The following NCOA1 variants were observed in gnomAD, a reference collection of about 807,000 sequenced individuals.
NCOA1 encodes the protein nuclear receptor coactivator 1, also known as Hin-2 protein.
In NCOA1, 35 loss-of-function variants were observed where a neutral mutation model predicts 150.9. The observed-to-expected ratio is 0.23, with a 90% confidence interval of 0.18 to 0.31. The LOEUF (loss-of-function observed/expected upper bound fraction) is 0.31. Ranked by LOEUF, NCOA1 falls within the 10% of genes least tolerant of loss-of-function variation. The pLI, the probability that NCOA1 is intolerant of heterozygous loss-of-function variation, is 1.00. For synonymous variants in NCOA1, 590 were observed against 630.0 expected (o/e 0.94, Z 0.95); for missense variants, 1,491 against 1,749.3 (o/e 0.85, Z 2.63).
intron 17 of NCOA1, among the ~76,000 whole-genome samples, chr2:24,734,014 G>A (rs771631678): frequency 3.3e-5 from 5 of 151,616 alleles, no homozygotes; most frequent in African/African-American, 4.8e-5. Context: ...GTGAAGCCCC[G>A]TCTCTACTAA....
intron 1 of NCOA1, among the ~76,000 whole-genome samples, chr2:24,562,002 T>C (rs1056537570): frequency 8.5e-5 from 13 of 152,120 alleles, no homozygotes; most frequent in African/African-American, 3.1e-4. Flanking sequence ...CAAATCTCAC[T>C]CTATACATTA....
chr2:24,604,419 G>A (rs1279267863), intron 3 of NCOA1, among the ~76,000 whole-genome samples: 1 of 152,188 alleles, frequency 6.6e-6, no homozygotes, highest in Non-Finnish European at 1.5e-5. Context: ...CCAATAGAAG[G>A]CTGTTTCATC....
intron 19 of NCOA1, among the ~76,000 whole-genome samples, chr2:24,747,791 A>C: frequency 6.7e-6 from 1 of 150,274 alleles, no homozygotes; most frequent in Non-Finnish European, 1.5e-5. Flanking sequence ...CAAAAAACCC[A>C]CCCTCTAGAG....
intron 4 of NCOA1, among the ~76,000 whole-genome samples, chr2:24,656,528 ATAGT>A (rs1670959549): frequency 6.6e-6 from 1 of 152,234 alleles, no homozygotes; most frequent in African/African-American, 2.4e-5. Flanking sequence ...GTTGTTAATT[ATAGT>A]TACCTACAAT....
At chr2:24,654,527 C>A (rs1438203265) in intron 4 of NCOA1, among the ~76,000 whole-genome samples, 1 of 152,104 alleles carries the variant, frequency 6.6e-6, no homozygotes. Context: ...TACCAAATTA[C>A]TAAGATGAGA....
chr2:24,558,683 G>A (rs186271799), intron 1 of NCOA1, among the ~76,000 whole-genome samples: 1 of 152,280 alleles, frequency 6.6e-6, no homozygotes, highest in African/African-American at 2.4e-5. Context: ...GAAGCATCAG[G>A]TTTTTGTAGA....
At chr2:24,731,344 T>C (rs1411797814) in intron 17 of NCOA1, among the ~76,000 whole-genome samples, 1 of 152,162 alleles carries the variant, frequency 6.6e-6, no homozygotes, top group Non-Finnish European at 1.5e-5. Flanking sequence ...ATTCCTCATC[T>C]ATAAAAAGAG....
chr2:24,583,575 C>T (rs556428385), intron 2 of NCOA1, among the ~76,000 whole-genome samples: 1 of 152,202 alleles, frequency 6.6e-6, no homozygotes, highest in South Asian at 2.1e-4. Flanking sequence ...AACAGTATGT[C>T]GAAGAGATAT....
intron 3 of NCOA1, among the ~76,000 whole-genome samples, chr2:24,640,368 CTT>C (rs1249162511): frequency 1.3e-5 from 2 of 152,104 alleles, no homozygotes; most frequent in Non-Finnish European, 2.9e-5. Flanking sequence ...CTTCTGTTTC[CTT>C]ACTGGTTTTT....
chr2:24,536,337 A>G (rs1042686106), intron 1 of NCOA1, among the ~76,000 whole-genome samples: 17 of 152,120 alleles, frequency 1.1e-4, no homozygotes, highest in African/African-American at 4.1e-4. Flanking sequence ...TGTTTATTCT[A>G]GTTAGCCATT....
chr2:24,550,898 C>T (rs1023608359), intron 1 of NCOA1, among the ~76,000 whole-genome samples: 1 of 152,184 alleles, frequency 6.6e-6, no homozygotes, highest in African/African-American at 2.4e-5. Flanking sequence ...CACTTGAGGT[C>T]AGGAGTTTGA....
chr2:24,741,754 T>A, intron 18 of NCOA1, 30 bp from the exon 19 acceptor site: 13 of 1,581,248 alleles, frequency 8.2e-6, no homozygotes, highest in Non-Finnish European at 1.1e-5. Flanking sequence ...TATAATAATT[T>A]TAGTAAGTGA....
At chr2:24,496,455 AT>A (rs1166578986) in intron 1 of NCOA1, among the ~76,000 whole-genome samples, 1 of 152,174 alleles carries the variant, frequency 6.6e-6, no homozygotes, top group African/African-American at 2.4e-5. Context: ...TTTAAATTGG[AT>A]TTCCTTTATG....
At chr2:24,507,224 G>A (rs1469789960) in intron 1 of NCOA1, among the ~76,000 whole-genome samples, 1 of 152,150 alleles carries the variant, frequency 6.6e-6, no homozygotes, top group Non-Finnish European at 1.5e-5. Context: ...GGGCTCTGGA[G>A]CCAGATTTCC....
chr2:24,697,461 ACACATT>A (rs1672956707), intron 10 of NCOA1, among the ~76,000 whole-genome samples, 191 bp from the exon 11 acceptor site: 1 of 152,294 alleles, frequency 6.6e-6, no homozygotes, highest in South Asian at 2.1e-4. Context: ...CTAGGACATA[ACACATT>A]CTAAGACCAA....
chr2:24,681,062 A>AT (rs1157521911), intron 7 of NCOA1, among the ~76,000 whole-genome samples: 16 of 67,982 alleles, frequency 2.4e-4, no homozygotes, highest in South Asian at 5.2e-4. Flanking sequence ...GCATTTTCAC[A>AT]TAAAAAAAAA....
intron 1 of NCOA1, among the ~76,000 whole-genome samples, chr2:24,553,292 T>A (rs755007740): frequency 2.0e-5 from 3 of 151,974 alleles, no homozygotes; most frequent in Non-Finnish European, 4.4e-5. Context: ...GATCTTGGCT[T>A]ACTGCAGCCT....
Position 24,634,708 on chromosome 2 carries a change from A to ACCCCCCC in NCOA1, c.-174-9250_-174-9244dup, listed in dbSNP as rs530645429. Among the ~76,000 whole-genome samples the ACCCCCCC allele has an allele frequency of 2.8e-3, 113 of 39,724 alleles. 1 individual carries two copies. Among genetic ancestry groups the ACCCCCCC allele is most frequent in the Non-Finnish European group, 3.2e-3 (74 of 23,140 alleles). 26.1% of individuals were successfully genotyped at this position (39,724 alleles called of 152,430 possible). On this transcript the variant is annotated intron_variant, in intron 3 of 22. Coordinates refer to ENST00000348332, the MANE Select transcript of NCOA1 (RefSeq NM_003743.5). ...CCTACCCTGGATTCCTAGGGGAGGA[A>ACCCCCCC]CCCCCCCCCCCCCCGCCCCCGGAGA...
intron 1 of NCOA1, among the ~76,000 whole-genome samples, chr2:24,543,960 C>T (rs764251721): frequency 6.6e-6 from 1 of 151,836 alleles, no homozygotes; most frequent in African/African-American, 2.4e-5. Flanking sequence ...GTAGGGAGAT[C>T]AATTAAGAAG....
Sources: gnomAD v4.1 joint callset for allele counts (sites outside exome capture counted in the v4.1 genomes callset) on GRCh38, gnomAD v4.1.1 for gene constraint, MANE v1.5 for transcripts, NCBI Gene and HGNC (gene_info 2026-07-23, HGNC 2026-07-21) for gene names.